Variants in RSPO2 observed in about 807,000 individuals in gnomAD.
RSPO2 encodes the protein R-spondin 2.
In RSPO2, 14 loss-of-function variants were observed where a neutral mutation model predicts 30.9. That is an observed-to-expected ratio of 0.45 (90% CI 0.30 to 0.71). RSPO2 has a LOEUF of 0.71. Ranked by LOEUF, RSPO2 falls within the 30% of genes least tolerant of loss-of-function variation. The pLI, the probability that RSPO2 is intolerant of heterozygous loss-of-function variation, is 0.08. For missense variants in RSPO2, 264 were observed against 301.9 expected, an observed-to-expected ratio of 0.87 and a Z score of 0.93; for synonymous variants, 107 against 96.4, an observed-to-expected ratio of 1.11 and a Z score of -0.64.
At chr8:107,951,062 G>T (rs955956321) in intron 5 of RSPO2, among the ~76,000 whole-genome samples, 2,645 of 111,660 alleles carry the variant, frequency 0.024, 78 homozygotes, top group African/African-American at 0.087. Context: ...TGTTGTTGTT[G>T]TTGTTGTTGT....
intron 2 of RSPO2, among the ~76,000 whole-genome samples, chr8:108,071,412 T>C (rs1475827996): frequency 6.6e-6 from 1 of 152,152 alleles, no homozygotes; most frequent in African/African-American, 2.4e-5. Context: ...CTCAACCCAC[T>C]AATAGTGCTT....
chr8:107,985,000 T>C (rs1335869614), intron 3 of RSPO2, among the ~76,000 whole-genome samples: 1 of 152,200 alleles, frequency 6.6e-6, no homozygotes, highest in Admixed American at 6.5e-5. Flanking sequence ...AAAAAGTTTA[T>C]TTTTTAATTA....
intron 2 of RSPO2, among the ~76,000 whole-genome samples, chr8:108,059,786 G>T (rs1458567338): frequency 6.8e-6 from 1 of 147,686 alleles, no homozygotes; most frequent in African/African-American, 2.5e-5. Context: ...CTCATTCATA[G>T]GTGGGAATTG....
chr8:107,925,196 C>A (rs971325842), intron 5 of RSPO2, among the ~76,000 whole-genome samples: 1 of 151,688 alleles, frequency 6.6e-6, no homozygotes, highest in Non-Finnish European at 1.5e-5. Flanking sequence ...ATATTGGGAA[C>A]AGTGTACACC....
intron 2 of RSPO2, among the ~76,000 whole-genome samples, chr8:108,056,163 A>C (rs191826284): frequency 6.6e-5 from 10 of 152,354 alleles, no homozygotes; most frequent in Admixed American, 6.5e-4. Flanking sequence ...CTCACCACTG[A>C]AACATGAAAT....
intron 2 of RSPO2, among the ~76,000 whole-genome samples, chr8:108,012,226 C>T (rs1290084946): frequency 6.6e-6 from 1 of 152,160 alleles, no homozygotes; most frequent in Non-Finnish European, 1.5e-5. Flanking sequence ...GCAAGCAATG[C>T]TTTAAAGTCT....
chr8:108,069,045 T>A (rs573887526), intron 2 of RSPO2, among the ~76,000 whole-genome samples: 1 of 152,390 alleles, frequency 6.6e-6, no homozygotes, highest in South Asian at 2.1e-4. Flanking sequence ...AGAGCCTTCA[T>A]CTGGTTTATT....
At chr8:107,972,432 C>A (rs1378683057) in intron 3 of RSPO2, among the ~76,000 whole-genome samples, 2 of 152,132 alleles carry the variant, frequency 1.3e-5, no homozygotes, top group Non-Finnish European at 2.9e-5. Flanking sequence ...ATATGTGAGC[C>A]ACTGTGCCCA....
chr8:108,058,120 G>C (rs1812315794), intron 2 of RSPO2, among the ~76,000 whole-genome samples: 1 of 135,186 alleles, frequency 7.4e-6, no homozygotes, highest in Non-Finnish European at 1.6e-5. Context: ...GTGTGTCATA[G>C]ATAGCTCTTA....
intron 2 of RSPO2, among the ~76,000 whole-genome samples, chr8:108,018,631 T>C (rs962381857): frequency 1.3e-5 from 2 of 152,218 alleles, no homozygotes; most frequent in Non-Finnish European, 2.9e-5. Flanking sequence ...AATTTCTTTG[T>C]TCCCCTTTGC....
chr8:108,021,701 A>G (rs1443619553), intron 2 of RSPO2, among the ~76,000 whole-genome samples: 1 of 152,054 alleles, frequency 6.6e-6, no homozygotes, highest in African/African-American at 2.4e-5. Context: ...AAATGATGTC[A>G]TAAGTGGGAG....
At chr8:108,048,086 A>G (rs1275716215) in intron 2 of RSPO2, among the ~76,000 whole-genome samples, 1 of 152,064 alleles carries the variant, frequency 6.6e-6, no homozygotes, top group Non-Finnish European at 1.5e-5. Context: ...AATCCTCACA[A>G]TTATCCTAAG....
intron 5 of RSPO2, among the ~76,000 whole-genome samples, chr8:107,907,971 T>C (rs1345465468): frequency 6.6e-6 from 1 of 152,154 alleles, no homozygotes; most frequent in African/African-American, 2.4e-5. Flanking sequence ...TTTTATTTCA[T>C]GTTCAAAATG....
intron 5 of RSPO2, among the ~76,000 whole-genome samples, chr8:107,926,478 T>G (rs1243758963): frequency 6.6e-6 from 1 of 152,220 alleles, no homozygotes; most frequent in Non-Finnish European, 1.5e-5. Context: ...TCCTTGCCCA[T>G]GCCTATGTCC....
intron 2 of RSPO2, among the ~76,000 whole-genome samples, chr8:108,026,610 T>C (rs867099409): frequency 1.1e-4 from 16 of 152,316 alleles, no homozygotes; most frequent in South Asian, 6.2e-4. Flanking sequence ...CTCATGCTTT[T>C]AATCCCAGCA....
intron 3 of RSPO2, among the ~76,000 whole-genome samples, chr8:107,972,207 G>A (rs991262690): frequency 2.6e-5 from 4 of 151,546 alleles, no homozygotes; most frequent in African/African-American, 9.7e-5. Context: ...GTGCAGTAGT[G>A]CAATCTCAGC....
At chr8:107,975,249 A>G (rs1334512987) in intron 3 of RSPO2, among the ~76,000 whole-genome samples, 2 of 152,212 alleles carry the variant, frequency 1.3e-5, no homozygotes, top group East Asian at 3.8e-4. Flanking sequence ...AATAAATAGG[A>G]ATGCCTTCAT....
chr8:108,028,367 T>G (rs960086393), intron 2 of RSPO2, among the ~76,000 whole-genome samples: 7 of 152,200 alleles, frequency 4.6e-5, no homozygotes, highest in Non-Finnish European at 1.5e-5. Flanking sequence ...CTCTTTACTG[T>G]AAATCCCAAA....
In RSPO2 at chr8:108,082,765, G is replaced by A. The variant is rs911197154; in HGVS notation, c.-127C>T. On this transcript the variant is annotated 5_prime_UTR_variant, in exon 2 of 6. Transcript: ENST00000276659. Reference sequence around the variant, plus strand: ...GAGACTCGCCACTCACCCCCGGGCCGCACCGGTCAGTTCAGCGCGATCAGC... The same window carrying A: ...GAGACTCGCCACTCACCCCCGGGCCACACCGGTCAGTTCAGCGCGATCAGC... The A allele has an allele frequency of 2.9e-6, 2 of 698,120 alleles. No individual in the cohort carries two copies. Among genetic ancestry groups the A allele is most frequent in the Non-Finnish European group, 2.5e-6 (1 of 407,914 alleles). The allele number at this position is 698,120 out of a possible 1,614,324, so 43.2% of individuals were successfully genotyped here.
Sources: allele counts gnomAD v4.1 joint callset (sites outside exome capture counted in the v4.1 genomes callset), GRCh38; gene constraint gnomAD v4.1.1; transcripts MANE v1.5; gene names NCBI Gene and HGNC (gene_info 2026-07-23, HGNC 2026-07-21).